HDAC9: variants seen among roughly 807,000 people sequenced by gnomAD.
HDAC9 encodes histone deacetylase 9.
A neutral mutation model predicts 139.4 loss-of-function variants in HDAC9; 41 were observed. The ratio of observed to expected loss-of-function variants is 0.29; its 90% CI spans 0.23 to 0.38. The LOEUF is 0.38. HDAC9 is among the 10% of genes least tolerant of loss of function. The pLI is 1.00. For synonymous variants in HDAC9, 517 were observed against 476.2 expected (o/e 1.09, Z -1.12); for missense variants, 1,147 against 1,297.0 (o/e 0.88, Z 1.78).
At chr7:18,149,125 T>A (rs1412184015) in intron 1 of HDAC9, among the ~76,000 whole-genome samples, 2 of 152,164 alleles carry the variant, frequency 1.3e-5, no homozygotes. Flanking sequence ...TGTTACCCAA[T>A]TGGATGGATG....
At chr7:18,850,170 C>A (rs1797183728) in intron 21 of HDAC9, among the ~76,000 whole-genome samples, 1 of 151,070 alleles carries the variant, frequency 6.6e-6, no homozygotes, top group Non-Finnish European at 1.5e-5. Context: ...ATAGCATTAT[C>A]ACAAATGAGT....
intron 1 of HDAC9, among the ~76,000 whole-genome samples, chr7:18,299,214 CTT>C (rs1182098485): frequency 7.1e-6 from 1 of 140,274 alleles, no homozygotes; most frequent in African/African-American, 2.7e-5. Context: ...CTGTACAACT[CTT>C]AAGATTTTTT....
chr7:18,275,262 G>T (rs1294551981), intron 2 of HDAC9, among the ~76,000 whole-genome samples: 6 of 152,094 alleles, frequency 3.9e-5, no homozygotes, highest in South Asian at 2.1e-4. Context: ...ATAAGGAGAG[G>T]CCTGTTATTC....
At position 18,762,070 on chromosome 7, in the gene HDAC9, A is replaced by G. The variant is rs550838458; in HGVS notation, c.2044-87A>G. Reference sequence around the variant, plus strand: ...CCTACATGATGAAATTCAGCCCATTATTAATCATCTTAAATGTGACTTGGG... The same window carrying G: ...CCTACATGATGAAATTCAGCCCATTGTTAATCATCTTAAATGTGACTTGGG... On this transcript the variant is annotated intron_variant, in intron 14 of 25. Transcript: ENST00000686413. 70 of 1,387,252 alleles carry G rather than the reference A, an allele frequency of 5.0e-5. No individual in the cohort carries two copies. The East Asian group carries it at 1.0e-3, about 20-fold the overall frequency. 85.9% of individuals were successfully genotyped at this position (1,387,252 alleles called of 1,614,324 possible). A position where few individuals can be genotyped will look rare whatever the true frequency, so the allele number is the denominator to read the frequency against.
intron 17 of HDAC9, among the ~76,000 whole-genome samples, chr7:18,824,957 T>C (rs1795302030): frequency 6.6e-6 from 1 of 152,090 alleles, no homozygotes; most frequent in Non-Finnish European, 1.5e-5. Flanking sequence ...TAAAAGGGGA[T>C]GGAGAAAAGA....
chr7:18,217,218 A>C (rs1208108221), intron 2 of HDAC9, among the ~76,000 whole-genome samples: 1 of 151,994 alleles, frequency 6.6e-6, no homozygotes, highest in Non-Finnish European at 1.5e-5. Flanking sequence ...AACTATACAT[A>C]ATATTCTTTA....
At chr7:18,509,415 T>C (rs1234023785) in intron 2 of HDAC9, 13 of 985,362 alleles carry the variant, frequency 1.3e-5, no homozygotes, top group Admixed American at 6.1e-5. Context: ...CCAACGTGCT[T>C]TGTGGATTCA....
chr7:18,620,222 CAA>C (rs1005635355), intron 6 of HDAC9, among the ~76,000 whole-genome samples: 24 of 151,800 alleles, frequency 1.6e-4, no homozygotes, highest in African/African-American at 5.8e-4. Flanking sequence ...CCTTGTTTCT[CAA>C]TATTATTATT....
At chr7:18,717,957 T>A in intron 12 of HDAC9, among the ~76,000 whole-genome samples, 1 of 152,306 alleles carries the variant, frequency 6.6e-6, no homozygotes. Flanking sequence ...AAAGTGTTTT[T>A]AACAACTTTA....
intron 12 of HDAC9, among the ~76,000 whole-genome samples, chr7:18,695,017 G>A (rs1782939848): frequency 6.6e-6 from 1 of 152,100 alleles, no homozygotes; most frequent in Non-Finnish European, 1.5e-5. Context: ...AAGTCAAATT[G>A]TATTTAGTCT....
intron 2 of HDAC9, among the ~76,000 whole-genome samples, chr7:18,279,351 T>A (rs1796946887): frequency 6.6e-6 from 1 of 152,080 alleles, no homozygotes; most frequent in African/African-American, 2.4e-5. Context: ...GAGATAAGAA[T>A]AAATGAAATG....
chr7:18,582,872 CATAA>C (rs1269034164), intron 2 of HDAC9, among the ~76,000 whole-genome samples: 3 of 152,136 alleles, frequency 2.0e-5, no homozygotes, highest in African/African-American at 7.2e-5. Context: ...CTCCACTTGC[CATAA>C]ATAATCGTCT....
chr7:18,284,169 A>G (rs1185253708), intron 2 of HDAC9, among the ~76,000 whole-genome samples: 1 of 152,098 alleles, frequency 6.6e-6, no homozygotes, highest in African/African-American at 2.4e-5. Flanking sequence ...CTTTGTCTAT[A>G]TATATTTTGT....
At chr7:18,699,862 G>A (rs1212235279) in intron 12 of HDAC9, among the ~76,000 whole-genome samples, 1 of 151,866 alleles carries the variant, frequency 6.6e-6, no homozygotes, top group Non-Finnish European at 1.5e-5. Context: ...TTTCTTCAAA[G>A]TCCTTTTTTT....
chr7:18,954,435 T>C (rs1377097160), intron 24 of HDAC9: 5 of 466,246 alleles, frequency 1.1e-5, no homozygotes, highest in Non-Finnish European at 1.9e-5. Context: ...ATTTAGAATC[T>C]TGTTTTTCTC....
intron 15 of HDAC9, among the ~76,000 whole-genome samples, chr7:18,766,445 G>T (rs994831995): frequency 6.6e-6 from 1 of 152,092 alleles, no homozygotes; most frequent in Admixed American, 6.6e-5. Flanking sequence ...TTTTAAAGAA[G>T]ATATTTTATA....
intron 21 of HDAC9, 82 bp from the exon 22 acceptor site, chr7:18,874,396 T>A (rs1799164084): frequency 1.4e-6 from 1 of 730,226 alleles, no homozygotes; most frequent in Admixed American, 2.1e-5. Flanking sequence ...GTTCCTATTG[T>A]TGTGCCAGGT....
At chr7:18,764,290 C>T (rs1262033723) in intron 15 of HDAC9, among the ~76,000 whole-genome samples, 1 of 151,976 alleles carries the variant, frequency 6.6e-6, no homozygotes, top group Non-Finnish European at 1.5e-5. Context: ...AATAATATTC[C>T]TACAGTTGAT....
intron 12 of HDAC9, among the ~76,000 whole-genome samples, chr7:18,672,058 C>A (rs550409962): frequency 6.6e-6 from 1 of 152,048 alleles, no homozygotes; most frequent in Non-Finnish European, 1.5e-5. Context: ...ATTTTCATTT[C>A]TCCTGGGTAT....
Sources: gnomAD v4.1 joint callset for allele counts (sites outside exome capture counted in the v4.1 genomes callset) on GRCh38, gnomAD v4.1.1 for gene constraint, MANE v1.5 for transcripts, NCBI Gene and HGNC (gene_info 2026-07-23, HGNC 2026-07-21) for gene names.